The following PCDHA1 variants were observed in gnomAD, a reference collection of about 807,000 sequenced individuals.
PCDHA1 encodes the protein protocadherin alpha 1.
In PCDHA1, 42 loss-of-function variants were observed where a neutral mutation model predicts 61.3. The observed-to-expected ratio is 0.69, with a 90% CI of 0.54 to 0.89. The LOEUF (loss-of-function observed/expected upper bound fraction) is 0.89, where lower values mean the gene tolerates loss of function less well. Ranked by LOEUF, PCDHA1 falls within the 40% of genes least tolerant of loss-of-function variation. The pLI is 0.00. For missense variants in PCDHA1, 1,256 were observed against 1,235.3 expected (o/e 1.02, Z -0.25); for synonymous variants, 610 against 553.8 (o/e 1.10, Z -1.43).
In PCDHA1 at chr5:140,795,843, T is replaced by C. The variant is rs782245686; in HGVS notation, c.2394+7159T>C. ...TGTCCTCCACTATACAGACTAAGTT[T>C]ACCATAGATCCCATCTCAGGGGAAA... On this transcript the variant is annotated intron_variant, in intron 1 of 3. Transcript: ENST00000504120. 6 of 1,613,808 alleles carry C rather than the reference T, an allele frequency of 3.7e-6. No homozygotes were observed. In the Middle Eastern group the frequency reaches 4.9e-4, roughly 133 times the overall value.
At chr5:140,849,775 C>T (rs369759015) in intron 1 of PCDHA1, 5 of 1,598,318 alleles carry the variant, frequency 3.1e-6, no homozygotes, top group African/African-American at 1.3e-5. Context: ...GTGGTTACCG[C>T]GCGGGACGGG....
intron 1 of PCDHA1, among the ~76,000 whole-genome samples, chr5:140,831,520 C>CTT (rs2150195630): frequency 1.3e-4 from 16 of 122,400 alleles, no homozygotes; most frequent in East Asian, 4.9e-4. Flanking sequence ...TGCCCCCCAC[C>CTT]TTTTTTTTTT....
intron 1 of PCDHA1, chr5:140,852,590 T>A (rs2042399836): frequency 1.1e-6 from 1 of 893,664 alleles, no homozygotes; most frequent in African/African-American, 1.8e-5. Context: ...TTATTTTTTT[T>A]TTTTGTCATT....
At chr5:140,887,984 A>G (rs2061657027) in intron 1 of PCDHA1, among the ~76,000 whole-genome samples, 1 of 152,178 alleles carries the variant, frequency 6.6e-6, no homozygotes, top group Admixed American at 6.5e-5. Context: ...TTTATTTTAC[A>G]TGTCTCCACC....
At position 140,869,619 on chromosome 5, in the gene PCDHA1, A is replaced by G. The variant is rs369497274; in HGVS notation, c.2394+80935A>G. On this transcript the variant is annotated intron_variant, in intron 1 of 3. Transcript: ENST00000504120. ...AGAATGCTCTATTGACCTACAGGCT[A>G]AGTAAAAATGAGTATTTTTCTTTAG... The G allele has an allele frequency of 6.6e-5, 106 of 1,613,784 alleles. 2 individuals carry two copies. The Middle Eastern group carries it at 4.9e-3, about 75-fold the overall frequency.
Position 141,007,401 on chromosome 5 carries a change from A to G in PCDHA1, c.2543-2226A>G, listed in dbSNP as rs981008239. On this transcript the variant is annotated intron_variant, in intron 3 of 3. Coordinates refer to ENST00000504120, the MANE Select transcript of PCDHA1 (RefSeq NM_018900.4). Reference sequence around the variant, plus strand: ...CACCATCTCTACTAAAATACAAAAAAAAAAAAAAAAAAAAAAATTAGCCAG... The same window carrying G: ...CACCATCTCTACTAAAATACAAAAAGAAAAAAAAAAAAAAAAATTAGCCAG... Among the ~76,000 whole-genome samples the G allele has an allele frequency of 7.4e-4, 110 of 149,582 alleles. 1 individual carries two copies. Among genetic ancestry groups the G allele is most frequent in the Non-Finnish European group, 9.7e-4 (65 of 67,302 alleles).
At chr5:140,789,292 A>G (rs1197317069) in intron 1 of PCDHA1, among the ~76,000 whole-genome samples, 1 of 152,192 alleles carries the variant, frequency 6.6e-6, no homozygotes, top group African/African-American at 2.4e-5. Context: ...TCAACTAAAA[A>G]TACAAAAACA....
intron 1 of PCDHA1, among the ~76,000 whole-genome samples, chr5:140,941,026 C>T (rs1330663914): frequency 6.6e-6 from 1 of 152,066 alleles, no homozygotes; most frequent in Admixed American, 6.5e-5. Flanking sequence ...TTCCTTCTGG[C>T]CTTTTTGGTG....
At chr5:140,860,288 G>A (rs1305065556) in intron 1 of PCDHA1, 2 of 151,928 alleles carry the variant, frequency 1.3e-5, no homozygotes, top group African/African-American at 4.8e-5. Context: ...GGGTGAGGTG[G>A]GAGGACGGCT....
intron 1 of PCDHA1, among the ~76,000 whole-genome samples, chr5:140,798,984 A>G (rs946399641): frequency 6.6e-6 from 1 of 152,242 alleles, no homozygotes. Flanking sequence ...CAGAATATCC[A>G]TTTCCAAGTA....
intron 1 of PCDHA1, chr5:140,803,721 TGG>T: frequency 1.4e-6 from 2 of 1,476,862 alleles, no homozygotes; most frequent in Non-Finnish European, 1.8e-6. Context: ...TCCAGTTTTG[TGG>T]TTTTGTGGTT....
intron 1 of PCDHA1, among the ~76,000 whole-genome samples, chr5:140,969,719 T>G (rs1448594057): frequency 7.9e-5 from 12 of 152,220 alleles, no homozygotes; most frequent in Non-Finnish European, 1.5e-4. Flanking sequence ...AGGGAAATTT[T>G]TCTTTTGAAA....
intron 1 of PCDHA1, chr5:140,876,833 C>A: frequency 1.2e-6 from 2 of 1,614,176 alleles, no homozygotes; most frequent in Admixed American, 1.7e-5. Flanking sequence ...AATGCGCCTG[C>A]GTTCGCGCAG....
chr5:140,892,536 A>G (rs916916323), intron 1 of PCDHA1, among the ~76,000 whole-genome samples: 1 of 152,208 alleles, frequency 6.6e-6, no homozygotes, highest in African/African-American at 2.4e-5. Flanking sequence ...CAGGATTCTG[A>G]CTTTTGTTTC....
chr5:140,962,554 C>T lies in PCDHA1; in HGVS notation c.2395-16395C>T, dbSNP rs567554880. ...TTAGAACTAAAAATGTAGAGGATCTCCCCCTAAAAGCCAATTGTTAATGCC... is the reference window on the plus strand; with the variant it reads ...TTAGAACTAAAAATGTAGAGGATCTTCCCCTAAAAGCCAATTGTTAATGCC... On this transcript the variant is annotated intron_variant, in intron 1 of 3. Transcript: ENST00000504120. 3.9e-5 allele frequency among the ~76,000 whole-genome samples: 6 copies of T among 152,284 alleles called. No individual in the cohort carries two copies. The South Asian group carries it at 1.2e-3, about 32-fold the overall frequency.
intron 1 of PCDHA1, chr5:140,834,164 A>G: frequency 1.8e-6 from 1 of 543,344 alleles, no homozygotes; most frequent in Non-Finnish European, 3.2e-6. Context: ...TGTAATTCTT[A>G]CTTACATGAT....
intron 1 of PCDHA1, chr5:140,821,785 T>G: frequency 6.2e-7 from 1 of 1,611,178 alleles, no homozygotes; most frequent in East Asian, 2.2e-5. Flanking sequence ...GATGGTATAT[T>G]CCCGGAGAGG....
intron 1 of PCDHA1, among the ~76,000 whole-genome samples, chr5:140,878,435 A>G (rs1582436641): frequency 6.6e-6 from 1 of 152,242 alleles, no homozygotes; most frequent in African/African-American, 2.4e-5. Context: ...TAGATACTGT[A>G]CTATTCTTAT....
intron 1 of PCDHA1, chr5:140,849,434 T>C (rs2150437412): frequency 1.0e-5 from 16 of 1,580,752 alleles, no homozygotes; most frequent in Non-Finnish European, 9.5e-6. Context: ...TTGAAGAAAG[T>C]AGAGCACACA....
Sources: gnomAD v4.1 joint callset for allele counts (sites outside exome capture counted in the v4.1 genomes callset) on GRCh38, gnomAD v4.1.1 for gene constraint, MANE v1.5 for transcripts, NCBI Gene and HGNC (gene_info 2026-07-23, HGNC 2026-07-21) for gene names.